ABCC8: variants seen among roughly 807,000 people sequenced by gnomAD.
ABCC8 encodes ATP binding cassette subfamily C member 8, also known as ATP-binding cassette sub-family C member 8.
In ABCC8, 137 loss-of-function variants were observed where a neutral mutation model predicts 188.0. That is an observed-to-expected ratio of 0.73 (90% CI 0.63 to 0.84). The LOEUF is 0.84. Among genes scored for constraint, ABCC8 ranks in the 40% least tolerant of loss-of-function variants. The pLI, the probability that ABCC8 is intolerant of heterozygous loss-of-function variation, is 0.00. For missense variants in ABCC8, 1,750 were observed against 2,072.7 expected, an observed-to-expected ratio of 0.84 and a Z score of 3.02; for synonymous variants, 797 against 846.5, an observed-to-expected ratio of 0.94 and a Z score of 1.01.
At chr11:17,474,382 T>C (rs958822899) in intron 2 of ABCC8, among the ~76,000 whole-genome samples, 22 of 152,036 alleles carry the variant, frequency 1.4e-4, no homozygotes, top group Non-Finnish European at 1.6e-4. Context: ...GTGAGGAGTG[T>C]GCTGTGAGGC....
chr11:17,402,118 C>T (rs957348697), intron 29 of ABCC8, among the ~76,000 whole-genome samples: 1 of 152,184 alleles, frequency 6.6e-6, no homozygotes, highest in Non-Finnish European at 1.5e-5. Context: ...ATAGTCGGGG[C>T]TTAGTAAATG....
chr11:17,432,575 C>T (rs1955897991), intron 10 of ABCC8, among the ~76,000 whole-genome samples: 1 of 152,178 alleles, frequency 6.6e-6, no homozygotes, highest in Non-Finnish European at 1.5e-5. Flanking sequence ...AGGTCAGGAG[C>T]ACGTGTTTCT....
chr11:17,393,787 C>T, intron 37 of ABCC8, 28 bp from the exon 38 acceptor site: 2 of 1,614,068 alleles, frequency 1.2e-6, no homozygotes, highest in Non-Finnish European at 1.7e-6. Context: ...CAGCTGTTGG[C>T]TCACCTGCCC....
At chr11:17,454,499 G>A (rs1301979187) in intron 6 of ABCC8, among the ~76,000 whole-genome samples, 1 of 152,182 alleles carries the variant, frequency 6.6e-6, no homozygotes, top group Non-Finnish European at 1.5e-5. Context: ...TGTCCCATTT[G>A]CCAGTGCACC....
intron 16 of ABCC8, among the ~76,000 whole-genome samples, chr11:17,418,093 T>TGA (rs1955169212): frequency 6.6e-6 from 1 of 152,108 alleles, no homozygotes; most frequent in Non-Finnish European, 1.5e-5. Context: ...AATAACCATA[T>TGA]GAAGGAGGTT....
chr11:17,474,573 C>T (rs962934765), intron 2 of ABCC8, among the ~76,000 whole-genome samples: 16 of 151,642 alleles, frequency 1.1e-4, no homozygotes, highest in South Asian at 6.2e-4. Context: ...AAGGTAACTC[C>T]GGCAGGTTGT....
At position 17,415,339 on chromosome 11, in the gene ABCC8, G is replaced by T. The variant is rs1380437188; in HGVS notation, c.2256C>A (p.Ser752Arg). The T allele has an allele frequency of 6.2e-7, 1 of 1,610,536 alleles. No individual in the cohort carries two copies. Among genetic ancestry groups the T allele is most frequent in the Non-Finnish European group, 8.5e-7 (1 of 1,178,950 alleles). The change falls in exon 18 of 39, where the codon AGC becomes AGA. Residue 752 changes from serine to arginine, a missense_variant and splice_region_variant. Transcript: ENST00000389817. ...AGTCGGTCGCTGTCTCCCGCTCTGGGCTGCAGCAGGGGAGGAAAGGCATAC... is the reference window on the plus strand; with the variant it reads ...AGTCGGTCGCTGTCTCCCGCTCTGGTCTGCAGCAGGGGAGGAAAGGCATAC... ...LPDSEIGEDP[S>R]PERETATDLD... is the part of the protein sequence containing the mutation.
At chr11:17,396,023 G>C in intron 33 of ABCC8, 93 bp from the exon 34 acceptor site, 1 of 1,539,174 alleles carries the variant, frequency 6.5e-7, no homozygotes, top group South Asian at 1.2e-5. Context: ...AGGTGTGGGA[G>C]GTCACAGGGT....
At position 17,460,555 on chromosome 11, in the gene ABCC8, G is replaced by A; in HGVS notation, c.944C>T (p.Ala315Val). ...FRILADLLGF[A>V]GPLCIFGIVD... ...GATCCCAAAGATGCACAGTGGCCCGGCGAAGCCCAGCAGGTCGGCCAAGAT... is the reference window on the plus strand; with the variant it reads ...GATCCCAAAGATGCACAGTGGCCCGACGAAGCCCAGCAGGTCGGCCAAGAT... Residue 315 changes from alanine (A) to valine (V), a missense_variant, in exon 6 of 39, where the codon GCC becomes GTC. Coordinates refer to ENST00000389817, the MANE Select transcript of ABCC8 (RefSeq NM_000352.6). 6.2e-7 allele frequency: 1 copy of A among 1,614,008 alleles called. No individual in the cohort carries two copies. The highest frequency in any genetic ancestry group is 8.5e-7 in the Non-Finnish European group (1 of 1,180,034).
At position 17,458,742 on chromosome 11, in the gene ABCC8, A is replaced by G. The variant is rs180911082; in HGVS notation, c.1011+1746T>C. On this transcript the variant is annotated intron_variant, in intron 6 of 38. Coordinates refer to ENST00000389817, the MANE Select transcript of ABCC8 (RefSeq NM_000352.6). ...TTAAATAAGCAAAAGTGGTCCTTGC[A>G]TTCTTGGTTGAGCAAGAAATCTTCC... Among the ~76,000 whole-genome samples the G allele has an allele frequency of 3.8e-3, 578 of 152,348 alleles. 2 individuals carry two copies. The highest frequency in any genetic ancestry group is 0.01 in the Middle Eastern group (3 of 294).
intron 10 of ABCC8, chr11:17,435,805 T>C (rs1310429371): frequency 3.1e-6 from 4 of 1,286,406 alleles, no homozygotes; most frequent in Middle Eastern, 1.8e-4. Flanking sequence ...CCAGATATGA[T>C]ACATGAGAGG....
At chr11:17,394,842 G>T (rs974330405) in intron 36 of ABCC8, among the ~76,000 whole-genome samples, 9 of 152,102 alleles carry the variant, frequency 5.9e-5, no homozygotes, top group Non-Finnish European at 7.4e-5. Context: ...CTCCCCTAAG[G>T]CAGAACTGGG....
intron 7 of ABCC8, among the ~76,000 whole-genome samples, chr11:17,450,288 TTCTTTCTTTC>T (rs1956728529): frequency 7.3e-6 from 1 of 137,864 alleles, no homozygotes; most frequent in South Asian, 2.3e-4. Context: ...CTTTCTTTCT[TTCTTTCTTTC>T]TTTCTTTCTT....
intron 20 of ABCC8, chr11:17,413,038 T>A: frequency 1.6e-6 from 1 of 638,122 alleles, no homozygotes; most frequent in Non-Finnish European, 2.6e-6. Context: ...AGGAGGACAG[T>A]CACAGGAGAA....
intron 10 of ABCC8, among the ~76,000 whole-genome samples, chr11:17,437,072 C>G (rs1220488219): frequency 4.4e-5 from 4 of 91,802 alleles, no homozygotes; most frequent in Non-Finnish European, 1.9e-5. Context: ...GCCTGGGCAA[C>G]AAGAGTGAAA....
At position 17,442,867 on chromosome 11, in the gene ABCC8, G is replaced by A. The variant is rs775894336; in HGVS notation, c.1483C>T (p.Arg495Trp). 8.7e-6 allele frequency: 14 copies of A among 1,613,084 alleles called. No homozygotes were observed. The highest frequency in any genetic ancestry group is 1.1e-5 in the Non-Finnish European group (13 of 1,180,026). The change falls in exon 10 of 39, where the codon CGG (arginine) becomes TGG (tryptophan). Residue 495 changes from arginine to tryptophan, a missense_variant. Transcript: ENST00000389817. ...AGCATCTCGTTGGTCTGCTTCAGCC[G>A]CTCATTGGAATACTCCTGCAGGGGT... ...QRSTLEYSNE[R>W]LKQTNEMLRG...
At chr11:17,466,707 T>TCTTGGCTGGAGTGCAGTGGCACAAC (rs1848173821) in intron 3 of ABCC8, among the ~76,000 whole-genome samples, 1 of 152,102 alleles carries the variant, frequency 6.6e-6, no homozygotes, top group African/African-American at 2.4e-5. Context: ...AGTGGCACAA[T>TCTTGGCTGGAGTGCAGTGGCACAAC]CTTGGCTCAC....
chr11:17,414,459 G>T, intron 19 of ABCC8, 53 bp downstream of exon 19: 1 of 1,606,966 alleles, frequency 6.2e-7, no homozygotes, highest in Non-Finnish European at 8.5e-7. Flanking sequence ...GGGCAGGCTG[G>T]CCAGAGACAG....
Position 17,398,393 on chromosome 11 carries a change from G to A in ABCC8, c.3699C>T (p.Asn1233=). Residue 1233 remains asparagine (N), a synonymous_variant, in exon 30 of 39, where the codon AAC becomes AAT. Transcript: ENST00000389817. ...CTGTGAGGAAGAGGGAAGCAATGTT[G>A]TTGGAGTCTGTGTATTCGAGAAGCT... ...QQKLLEYTDS[N]NIASLFLTAA... The A allele has an allele frequency of 1.9e-6, 3 of 1,614,188 alleles. No individual in the cohort carries two copies. Among genetic ancestry groups the A allele is most frequent in the East Asian group, 4.5e-5 (2 of 44,890 alleles).
Sources: gnomAD v4.1 joint callset for allele counts (sites outside exome capture counted in the v4.1 genomes callset) on GRCh38, gnomAD v4.1.1 for gene constraint, MANE v1.5 for transcripts, NCBI Gene and HGNC (gene_info 2026-07-23, HGNC 2026-07-21) for gene names.